Variants in USP49 observed in about 807,000 individuals in gnomAD.
The protein encoded by USP49 is ubiquitin specific peptidase 49, also known as ubiquitin carboxyl-terminal hydrolase 49.
A neutral mutation model predicts 58.6 loss-of-function variants in USP49; 24 were observed. The ratio of observed to expected loss-of-function variants is 0.41; its 90% CI spans 0.30 to 0.58. The LOEUF (loss-of-function observed/expected upper bound fraction) is 0.58. Ranked by LOEUF, USP49 falls within the 20% of genes least tolerant of loss-of-function variation. USP49 has a pLI of 0.30. For synonymous variants in USP49, 408 were observed against 365.1 expected (o/e 1.12, Z -1.34); for missense variants, 703 against 866.1 (o/e 0.81, Z 2.36).
At position 41,825,225 on chromosome 6, in the gene USP49, C is replaced by T. The variant is rs529076377; in HGVS notation, c.-28-18214G>A. ...AAGGCAAATATTTTAAGGGAAACAC[C>T]CTAAGCCAATCAACTACCAATAACT... is the stretch of plus-strand genomic sequence containing the variant. On this transcript the variant is annotated intron_variant, in intron 3 of 7. Coordinates refer to ENST00000682992, the MANE Select transcript of USP49 (RefSeq NM_001286554.2). Among the ~76,000 whole-genome samples, 3 of 152,204 alleles carry T rather than the reference C, an allele frequency of 2.0e-5. No individual in the cohort carries two copies. The East Asian group carries it at 5.8e-4, about 29-fold the overall frequency.
At position 41,810,306 on chromosome 6, in the gene USP49, C is replaced by A. The variant is rs375051604; in HGVS notation, c.-28-3295G>T. Among the ~76,000 whole-genome samples, 24 of 150,194 alleles carry A rather than the reference C, an allele frequency of 1.6e-4. No individual in the cohort carries two copies. The South Asian group carries it at 4.8e-3, about 30-fold the overall frequency. ...GACCAGCCTAGCCAACATGGTGAAA[C>A]CCCGTCTCTACTAAAAAAAAAAACA... On this transcript the variant is annotated intron_variant, in intron 3 of 7. Transcript: ENST00000682992.
intron 3 of USP49, among the ~76,000 whole-genome samples, chr6:41,810,803 C>T (rs907283146): frequency 6.6e-6 from 1 of 151,988 alleles, no homozygotes; most frequent in African/African-American, 2.4e-5. Flanking sequence ...GGTCAGGTGA[C>T]CCGCCTCAGC....
At chr6:41,895,106 C>T (rs922150454) in intron 1 of USP49, among the ~76,000 whole-genome samples, 13 of 148,502 alleles carry the variant, frequency 8.8e-5, no homozygotes, top group Non-Finnish European at 1.7e-4. Flanking sequence ...CCGCGAGGCG[C>T]GCGCTGCCTT....
intron 3 of USP49, among the ~76,000 whole-genome samples, chr6:41,839,192 A>G (rs1380185506): frequency 6.6e-6 from 1 of 151,920 alleles, no homozygotes; most frequent in Non-Finnish European, 1.5e-5. Flanking sequence ...GGATTGCTTG[A>G]GCTTAGGAGT....
intron 2 of USP49, among the ~76,000 whole-genome samples, chr6:41,889,556 T>C (rs887164366): frequency 2.0e-5 from 3 of 151,754 alleles, no homozygotes; most frequent in Non-Finnish European, 4.4e-5. Context: ...GCTAGGGAGG[T>C]TCTCAACACA....
rs562741193 is a variant in USP49, at chr6:41,871,634, T to C, written c.-99A>G. 119 of 152,334 alleles carry C rather than the reference T, an allele frequency of 7.8e-4. 1 individual carries two copies. Among genetic ancestry groups the C allele is most frequent in the Admixed American group, 4.6e-4 (7 of 15,286 alleles). The allele number at this position is 152,334 out of a possible 1,614,324, so 9.4% of individuals were successfully genotyped here. A position where few individuals can be genotyped will look rare whatever the true frequency, so the allele number is the denominator to read the frequency against. On this transcript the variant is annotated 5_prime_UTR_variant, in exon 3 of 8. Transcript: ENST00000682992. ...CATTGGTTAGGTTTCCTCTTCTCTA[T>C]TACCTACAAGTGGGAAACAATCTGT...
At chr6:41,817,212 G>A (rs1220354113) in intron 3 of USP49, among the ~76,000 whole-genome samples, 5 of 140,508 alleles carry the variant, frequency 3.6e-5, no homozygotes, top group East Asian at 2.1e-4. Flanking sequence ...GCAGTGGCGC[G>A]ATCTCACTTA....
chr6:41,805,180 G>A (rs1773088046), intron 4 of USP49, among the ~76,000 whole-genome samples: 1 of 152,196 alleles, frequency 6.6e-6, no homozygotes, highest in Non-Finnish European at 1.5e-5. Context: ...AAGGAGGCTT[G>A]CACTGGCCTT....
chr6:41,806,006 C>T lies in USP49; in HGVS notation c.978G>A (p.Glu326=). 3.7e-6 allele frequency: 6 copies of T among 1,613,988 alleles called. No homozygotes were observed. The highest frequency in any genetic ancestry group is 5.1e-6 in the Non-Finnish European group (6 of 1,180,042). The change falls in exon 4 of 8, where the codon GAG becomes GAA. Residue 326 remains glutamate (E), a synonymous_variant. Transcript: ENST00000682992. The surrounding 1 kb of genome is among the most constrained non-coding windows in gnomAD (Gnocchi z 5.9). ...SLRNDRAEAC[E]REGFCWNGRA... ...TGCCGTTCCAGCAGAAGCCCTCCCG[C>T]TCGCATGCCTCGGCCCTGTCATTTC...
At chr6:41,840,080 T>TAA (rs967811423) in intron 3 of USP49, among the ~76,000 whole-genome samples, 1 of 149,006 alleles carries the variant, frequency 6.7e-6, no homozygotes, top group Non-Finnish European at 1.5e-5. Flanking sequence ...TATTAACATT[T>TAA]AAAAAAAAAA....
At chr6:41,855,828 AC>A (rs1404315948) in intron 3 of USP49, among the ~76,000 whole-genome samples, 2 of 151,756 alleles carry the variant, frequency 1.3e-5, no homozygotes, top group African/African-American at 4.8e-5. Flanking sequence ...CAGGTGGATC[AC>A]CTGAGGTCAG....
chr6:41,807,022 A>G lies in USP49; in HGVS notation c.-28-11T>C, dbSNP rs761421946. ...CGCCACTTTCTCAACCTGGCACGACAGAGTCCCCAAAAAAGAAAAAGAAAA... is the reference window on the plus strand; with the variant it reads ...CGCCACTTTCTCAACCTGGCACGACGGAGTCCCCAAAAAAGAAAAAGAAAA... On this transcript the variant is annotated splice_polypyrimidine_tract_variant and intron_variant, in intron 3 of 7. Transcript: ENST00000682992. The G allele has an allele frequency of 1.5e-6, 2 of 1,356,572 alleles. No homozygotes were observed. The highest frequency in any genetic ancestry group is 4.9e-5 in the South Asian group (2 of 40,834). 84.0% of individuals were successfully genotyped at this position (1,356,572 alleles called of 1,614,324 possible).
chr6:41,862,084 T>C (rs1042152134), intron 3 of USP49, among the ~76,000 whole-genome samples: 1 of 152,212 alleles, frequency 6.6e-6, no homozygotes, highest in Non-Finnish European at 1.5e-5. Flanking sequence ...AGAGGAGAAT[T>C]ATGCCATTTT....
At chr6:41,844,559 T>A (rs1773887846) in intron 3 of USP49, among the ~76,000 whole-genome samples, 1 of 152,094 alleles carries the variant, frequency 6.6e-6, no homozygotes, top group Admixed American at 6.5e-5. Flanking sequence ...ATGATCCGCC[T>A]GTCTTGGCCT....
chr6:41,887,235 T>C (rs1197141290), intron 2 of USP49: 6 of 152,200 alleles, frequency 3.9e-5, no homozygotes, highest in African/African-American at 1.2e-4. Flanking sequence ...TTCCCTTGGA[T>C]AGATACAAGC....
chr6:41,860,734 T>C (rs1000029524), intron 3 of USP49, among the ~76,000 whole-genome samples: 6 of 151,968 alleles, frequency 3.9e-5, no homozygotes, highest in Admixed American at 3.9e-4. Context: ...ATGGTCTCAA[T>C]CTCCTCACCT....
chr6:41,867,899 T>C (rs1774347845), intron 3 of USP49, among the ~76,000 whole-genome samples: 1 of 152,222 alleles, frequency 6.6e-6, no homozygotes, highest in South Asian at 2.1e-4. Context: ...AATAATTATT[T>C]ATGAATAATC....
At position 41,806,403 on chromosome 6, in the gene USP49, C is replaced by T. The variant is rs1182307216; in HGVS notation, c.581G>A (p.Arg194Gln). ...EARRRRREVK[R>Q]RLLEELASTP... is the part of the protein sequence containing the mutation. Reference sequence around the variant, plus strand: ...GCTGGCCAGCTCCTCCAGCAGCCGCCGTTTCACCTCGCGCCGCCGCCTCCG... The same window carrying T: ...GCTGGCCAGCTCCTCCAGCAGCCGCTGTTTCACCTCGCGCCGCCGCCTCCG... Residue 194 changes from arginine (R) to glutamine (Q), a missense_variant, in exon 4 of 8, where the codon CGG (arginine) becomes CAG (glutamine). Coordinates refer to ENST00000682992, the MANE Select transcript of USP49 (RefSeq NM_001286554.2). This position sits in a 1 kb window ranked among gnomAD's most constrained non-coding sequence, Gnocchi z 5.9. 6 of 1,561,856 alleles carry T rather than the reference C, an allele frequency of 3.8e-6. No homozygotes were observed. The highest frequency in any genetic ancestry group is 2.2e-5 in the East Asian group (1 of 44,520).
chr6:41,805,118 G>A (rs577348430), intron 4 of USP49, among the ~76,000 whole-genome samples: 1 of 152,158 alleles, frequency 6.6e-6, no homozygotes, highest in Non-Finnish European at 1.5e-5. Flanking sequence ...AAGCATTTTT[G>A]CTTAGGTTAC....
Sources: gnomAD v4.1 joint callset for allele counts (sites outside exome capture counted in the v4.1 genomes callset) on GRCh38, gnomAD v4.1.1 for gene constraint, Gnocchi (gnomAD v3.1) non-coding constraint, MANE v1.5 for transcripts, NCBI Gene and HGNC (gene_info 2026-07-23, HGNC 2026-07-21) for gene names.